HOMER3: variants seen among roughly 807,000 people sequenced by gnomAD.
HOMER3 encodes the protein homer protein homolog 3.
Under a neutral mutation model 45.5 loss-of-function variants are expected in HOMER3, and 34 were observed. That is an observed-to-expected ratio of 0.75 (90% CI 0.57 to 1.00). The LOEUF (loss-of-function observed/expected upper bound fraction) is 1.00. Among genes scored for constraint, HOMER3 ranks in the 50% least tolerant of loss-of-function variants. HOMER3 has a pLI of 0.00. For synonymous variants in HOMER3, 223 were observed against 208.8 expected (o/e 1.07, Z -0.58); for missense variants, 480 against 497.5 (o/e 0.96, Z 0.33).
intron 4 of HOMER3, among the ~76,000 whole-genome samples, chr19:18,937,328 A>G (rs2057103876): frequency 1.5e-5 from 2 of 137,762 alleles, no homozygotes; most frequent in Non-Finnish European, 3.1e-5. Flanking sequence ...AAAAAAAAGA[A>G]GGGAGGGAGG....
chr19:18,938,705 C>CCCCCCCCCAAA, intron 3 of HOMER3, 23 bp downstream of exon 3: 1 of 1,532,700 alleles, frequency 6.5e-7, no homozygotes, highest in Non-Finnish European at 8.9e-7. Flanking sequence ...GGTGCCTCTG[C>CCCCCCCCCAAA]CCCACCCAGA....
rs11540740 is a variant in HOMER3 at position 18,941,089 on chromosome 19, T to C, written c.-106A>G. ...CGCCCCGCGAGTGTCCAGGCGCGAG[T>C]CGGGTGCGGCCCCCGCGGCGCTGAC... On this transcript the variant is annotated 5_prime_UTR_variant, in exon 1 of 10. Transcript: ENST00000392351. The C allele has an allele frequency of 0.17, 25,955 of 150,554 alleles. 2,526 individuals carry two copies. The highest frequency in any genetic ancestry group is 0.25 in the Middle Eastern group (73 of 288). 9.3% of individuals were successfully genotyped at this position (150,554 alleles called of 1,614,324 possible).
In HOMER3 at chr19:18,938,334, T is replaced by A; in HGVS notation, c.303+19A>T. 5 of 1,593,070 alleles carry A rather than the reference T, an allele frequency of 3.1e-6. No individual in the cohort carries two copies. Among genetic ancestry groups the A allele is most frequent in the Non-Finnish European group, 4.3e-6 (5 of 1,163,440 alleles). On this transcript the variant is annotated intron_variant, in intron 4 of 9. Transcript: ENST00000392351. ...CCAGTCTCATCGGTTCCCTCCACTC[T>A]CCCCCTCACCCGGCCCACCTGTGTC...
intron 4 of HOMER3, among the ~76,000 whole-genome samples, chr19:18,934,870 TG>T (rs1317376645): frequency 5.3e-4 from 62 of 117,502 alleles, no homozygotes; most frequent in African/African-American, 1.5e-3. Context: ...TCCTGTTTTT[TG>T]TTTTTTTTTT....
At chr19:18,931,228 C>G in intron 9 of HOMER3, 97 bp downstream of exon 9, 1 of 1,107,976 alleles carries the variant, frequency 9.0e-7, no homozygotes, top group Non-Finnish European at 1.3e-6. Context: ...AGGACTGGGC[C>G]TCCCAATACT....
chr19:18,938,906 G>C, intron 2 of HOMER3, 22 bp from the exon 3 acceptor site: 3 of 1,606,028 alleles, frequency 1.9e-6, no homozygotes, highest in Non-Finnish European at 2.5e-6. Flanking sequence ...GAGGGTGTTT[G>C]GTGGGGGCCA....
intron 5 of HOMER3, 78 bp from the exon 6 acceptor site, chr19:18,933,123 G>A (rs556434752): frequency 5.9e-4 from 826 of 1,396,534 alleles, no homozygotes; most frequent in Non-Finnish European, 7.2e-4. Flanking sequence ...TCGTCACATC[G>A]GGGGTGCAAT....
chr19:18,929,719 T>C, intron 9 of HOMER3, 85 bp from the exon 10 acceptor site: 1 of 1,180,898 alleles, frequency 8.5e-7, no homozygotes, highest in South Asian at 1.6e-5. Context: ...CACCTTCATG[T>C]CCCTCTTCTG....
chr19:18,938,290 C>T, intron 4 of HOMER3, 63 bp downstream of exon 4: 1 of 1,542,528 alleles, frequency 6.5e-7, no homozygotes, highest in Admixed American at 1.8e-5. Context: ...CCAGAGTGAG[C>T]CCAGGAGAAG....
intron 9 of HOMER3, among the ~76,000 whole-genome samples, chr19:18,930,479 C>T (rs2057019342): frequency 1.3e-5 from 2 of 150,412 alleles, no homozygotes; most frequent in East Asian, 2.0e-4. Flanking sequence ...ACCTGGGAGG[C>T]GGAGCTTGCG....
chr19:18,939,962 C>T (rs1248818967), intron 1 of HOMER3: 1 of 152,466 alleles, frequency 6.6e-6, no homozygotes, highest in Non-Finnish European at 1.5e-5. Flanking sequence ...AGAATCCACA[C>T]TGGGAGACCA....
At chr19:18,939,879 G>A (rs1328543551) in intron 1 of HOMER3, 2 of 152,796 alleles carry the variant, frequency 1.3e-5, no homozygotes, top group Non-Finnish European at 2.9e-5. Flanking sequence ...AATCCCCAGG[G>A]AGCCCCCAGC....
chr19:18,936,042 G>A (rs954198598), intron 4 of HOMER3, among the ~76,000 whole-genome samples: 2 of 149,930 alleles, frequency 1.3e-5, no homozygotes, highest in African/African-American at 4.9e-5. Context: ...AAGGCCATGT[G>A]TGGTGGCTCA....
In HOMER3 at chr19:18,929,420, G is replaced by A. The variant is rs1464258856; in HGVS notation, c.*23C>T. 12 of 1,587,032 alleles carry A rather than the reference G, an allele frequency of 7.6e-6. No individual in the cohort carries two copies. Among genetic ancestry groups the A allele is most frequent in the African/African-American group, 2.7e-5 (2 of 73,860 alleles). On this transcript the variant is annotated 3_prime_UTR_variant, in exon 10 of 10. Coordinates refer to ENST00000392351, the MANE Select transcript of HOMER3 (RefSeq NM_004838.4). ...CTGGCCCGCATCCCAGGCCGGAATC[G>A]TTCATAGAAAACCAGCCCCGGCTCA...
Position 18,932,095 on chromosome 19 carries a change from C to A in HOMER3, c.571G>T (p.Ala191Ser). 1.3e-6 allele frequency: 2 copies of A among 1,570,480 alleles called. No homozygotes were observed. Among genetic ancestry groups the A allele is most frequent in the South Asian group, 1.2e-5 (1 of 85,598 alleles). Reference protein sequence around the residue: ...GEVQWEAEFFALQDSNNKLAG... With the variant: ...GEVQWEAEFFSLQDSNNKLAG... ...AGCTTGTTGTTGCTGTCCTGCAGTG[C>A]GAAAAACTCGGCCTCCCACTGTACC... The change falls in exon 7 of 10, where the codon GCA becomes TCA. Residue 191 changes from alanine to serine, a missense_variant. By Grantham distance (99) the Ala-to-Ser change is moderately conservative. Coordinates refer to ENST00000392351, the MANE Select transcript of HOMER3 (RefSeq NM_004838.4).
At chr19:18,934,656 T>C (rs965707964) in intron 4 of HOMER3, among the ~76,000 whole-genome samples, 9 of 152,136 alleles carry the variant, frequency 5.9e-5, no homozygotes, top group African/African-American at 1.4e-4. Context: ...CCATGTCCTC[T>C]TTTTAGGAAA....
chr19:18,932,895 C>A, intron 6 of HOMER3, 29 bp downstream of exon 6: 3 of 1,263,464 alleles, frequency 2.4e-6, no homozygotes, highest in South Asian at 4.1e-5. Context: ...ACCCCCGCCC[C>A]TGCCACGCCC....
chr19:18,932,896 T>G, intron 6 of HOMER3, 28 bp downstream of exon 6: 53 of 229,216 alleles, frequency 2.3e-4, no homozygotes, highest in Non-Finnish European at 3.8e-4. Flanking sequence ...CCCCCGCCCC[T>G]GCCACGCCCC....
At chr19:18,930,405 G>A (rs796361316) in intron 9 of HOMER3, among the ~76,000 whole-genome samples, 17 of 151,320 alleles carry the variant, frequency 1.1e-4, no homozygotes, top group East Asian at 9.8e-4. Context: ...AAAATTAGCC[G>A]GGCATGGTGG....
Sources: allele counts gnomAD v4.1 joint callset (sites outside exome capture counted in the v4.1 genomes callset), GRCh38; gene constraint gnomAD v4.1.1; transcripts MANE v1.5; gene names NCBI Gene and HGNC (gene_info 2026-07-23, HGNC 2026-07-21).